WASF2: variants seen among roughly 807,000 people sequenced by gnomAD.
The protein encoded by WASF2 is WASP family member 2.
A neutral mutation model predicts 45.0 loss-of-function variants in WASF2; 14 were observed. The ratio of observed to expected loss-of-function variants is 0.31; its 90% CI spans 0.21 to 0.49. WASF2 has a LOEUF of 0.49. Among genes scored for constraint, WASF2 ranks in the 20% least tolerant of loss-of-function variants. The pLI is 0.99. For synonymous variants in WASF2, 200 were observed against 236.3 expected, an observed-to-expected ratio of 0.85 and a Z score of 1.41; for missense variants, 439 against 636.1, an observed-to-expected ratio of 0.69 and a Z score of 3.33.
At chr1:27,469,818 T>C (rs1027657931) in intron 1 of WASF2, among the ~76,000 whole-genome samples, 7 of 152,050 alleles carry the variant, frequency 4.6e-5, no homozygotes, top group African/African-American at 1.4e-4. Flanking sequence ...GGTGTGCACC[T>C]GTAGTCCCAG....
chr1:27,410,309 A>T lies in WASF2; in HGVS notation c.825-103T>A. ...ACCGAGGTTTATCTTGGTTGACTAT[A>T]CCATTTCACTTTCACTTAAACAGAA... On this transcript the variant is annotated intron_variant, in intron 7 of 8. Transcript: ENST00000618852. The surrounding 1 kb of genome is among the most constrained non-coding windows in gnomAD (Gnocchi z 4.2). 2.0e-6 allele frequency: 3 copies of T among 1,507,382 alleles called. No individual in the cohort carries two copies. The highest frequency in any genetic ancestry group is 2.7e-6 in the Non-Finnish European group (3 of 1,122,306). The allele number at this position is 1,507,382 out of a possible 1,614,324, so 93.4% of individuals were successfully genotyped here. A position where few individuals can be genotyped will look rare whatever the true frequency, so the allele number is the denominator to read the frequency against.
At position 27,405,058 on chromosome 1, in the gene WASF2, G is replaced by C. The variant is rs1001120659; in HGVS notation, c.*3131C>G. On this transcript the variant is annotated 3_prime_UTR_variant, in exon 9 of 9. Transcript: ENST00000618852. Reference sequence around the variant, plus strand: ...GGACACGGTGGGAATGCTTAAGCAGGGTCACCAAAGCCACAGAGACCTCAA... The same window carrying C: ...GGACACGGTGGGAATGCTTAAGCAGCGTCACCAAAGCCACAGAGACCTCAA... The C allele has an allele frequency of 3.3e-5, 5 of 153,118 alleles. No homozygotes were observed. Among genetic ancestry groups the C allele is most frequent in the African/African-American group, 1.2e-4 (5 of 41,460 alleles). 9.5% of individuals were successfully genotyped at this position (153,118 alleles called of 1,614,324 possible). A position where few individuals can be genotyped will look rare whatever the true frequency, so the allele number is the denominator to read the frequency against.
chr1:27,409,348 C>T (rs1325079464), intron 8 of WASF2, among the ~76,000 whole-genome samples: 2 of 146,388 alleles, frequency 1.4e-5, no homozygotes, highest in African/African-American at 5.1e-5. Flanking sequence ...TGGCGTGAAC[C>T]CGGGAGGCAG....
intron 1 of WASF2, among the ~76,000 whole-genome samples, chr1:27,462,179 T>C (rs1265396459): frequency 1.3e-5 from 2 of 151,092 alleles, no homozygotes; most frequent in African/African-American, 2.4e-5. Flanking sequence ...GGTTTCTCCA[T>C]GCTGGCCAGG....
At chr1:27,470,207 T>C (rs2017670674) in intron 1 of WASF2, among the ~76,000 whole-genome samples, 1 of 152,204 alleles carries the variant, frequency 6.6e-6, no homozygotes, top group Non-Finnish European at 1.5e-5. Context: ...GAAAGACAAG[T>C]AGGGGCTAGA....
chr1:27,433,532 T>C (rs1015971493), intron 1 of WASF2, among the ~76,000 whole-genome samples: 1 of 152,240 alleles, frequency 6.6e-6, no homozygotes, highest in Non-Finnish European at 1.5e-5. Context: ...CAGGGTCACA[T>C]TTGCATTTTA....
At chr1:27,413,216 G>C (rs1400611486) in intron 6 of WASF2, among the ~76,000 whole-genome samples, 3 of 152,202 alleles carry the variant, frequency 2.0e-5, no homozygotes, top group Non-Finnish European at 4.4e-5. Context: ...TCAAGCTGAG[G>C]ATGAATGCAG....
At chr1:27,448,986 T>C (rs2017346418) in intron 1 of WASF2, among the ~76,000 whole-genome samples, 1 of 152,100 alleles carries the variant, frequency 6.6e-6, no homozygotes, top group African/African-American at 2.4e-5. Context: ...ATGTTCTCTC[T>C]TACCTCCATA....
chr1:27,433,164 A>C (rs1231359672), intron 1 of WASF2, among the ~76,000 whole-genome samples: 1 of 152,230 alleles, frequency 6.6e-6, no homozygotes, highest in Non-Finnish European at 1.5e-5. Context: ...TCTAGCCTTC[A>C]AAGGAATTTG....
intron 1 of WASF2, among the ~76,000 whole-genome samples, 170 bp downstream of exon 1, chr1:27,489,816 G>T (rs2018004969): frequency 6.6e-6 from 1 of 152,160 alleles, no homozygotes; most frequent in Non-Finnish European, 1.5e-5. Context: ...CCCTGAGGGG[G>T]TGGGGTGGAC....
intron 1 of WASF2, among the ~76,000 whole-genome samples, chr1:27,455,896 T>C (rs2017460086): frequency 6.6e-6 from 1 of 152,138 alleles, no homozygotes; most frequent in Non-Finnish European, 1.5e-5. Flanking sequence ...TGTGAGCTCT[T>C]TGAGGGAAGG....
intron 2 of WASF2, among the ~76,000 whole-genome samples, chr1:27,419,914 C>G (rs1159260442): frequency 6.6e-6 from 1 of 150,980 alleles, no homozygotes; most frequent in African/African-American, 2.4e-5. Flanking sequence ...ATTTTTTTTT[C>G]TTTTTTTGGA....
chr1:27,450,392 T>C lies in WASF2; in HGVS notation c.-43-21459A>G, dbSNP rs564535350. Among the ~76,000 whole-genome samples the C allele has an allele frequency of 2.4e-4, 37 of 152,348 alleles. No individual in the cohort carries two copies. The Middle Eastern group carries it at 0.01, about 42-fold the overall frequency. On this transcript the variant is annotated intron_variant, in intron 1 of 8. Transcript: ENST00000618852. ...CCAGGTACTTGGCCTAAAATGTTAA[T>C]AAGACCCTGAATCTCCCAAACCAGC...
At chr1:27,415,590 C>T (rs2016816758) in intron 5 of WASF2, among the ~76,000 whole-genome samples, 2 of 152,158 alleles carry the variant, frequency 1.3e-5, no homozygotes, top group East Asian at 1.9e-4. Context: ...CATTAAACTG[C>T]TCCTGTTGCA....
At chr1:27,479,015 G>A (rs1294832726) in intron 1 of WASF2, among the ~76,000 whole-genome samples, 1 of 152,084 alleles carries the variant, frequency 6.6e-6, no homozygotes, top group Non-Finnish European at 1.5e-5. Flanking sequence ...GGCCGGGTGT[G>A]GTGGCTCACG....
chr1:27,409,982 G>A lies in WASF2; in HGVS notation c.1049C>T (p.Pro350Leu). Residue 350 changes from proline to leucine, a missense_variant, in exon 8 of 9, where the codon CCC becomes CTC. Pro to Leu is a moderately conservative substitution (Grantham distance 98). This residue lies in a region of WASF2 where 286 missense variants were observed against 373.5 expected (regional missense o/e 0.77). Coordinates refer to ENST00000618852, the MANE Select transcript of WASF2 (RefSeq NM_006990.5). ...GTGAGGTGGGAAAGATGGGGGTGAG[G>A]GTGGTGGAGGCGTCCCTGGAGACCC... ...GFGSPGTPPP[P>L]SPPSFPPHPD... The A allele has an allele frequency of 6.2e-7, 1 of 1,613,786 alleles. No homozygotes were observed. The highest frequency in any genetic ancestry group is 8.5e-7 in the Non-Finnish European group (1 of 1,179,926).
intron 5 of WASF2, 111 bp from the exon 6 acceptor site, chr1:27,415,074 AT>A: frequency 7.4e-7 from 1 of 1,353,332 alleles, no homozygotes; most frequent in East Asian, 2.3e-5. Context: ...CCTAGACAAC[AT>A]ACAATAACTA....
Position 27,435,033 on chromosome 1 carries a change from G to A in WASF2, c.-43-6100C>T, listed in dbSNP as rs186534289. On this transcript the variant is annotated intron_variant, in intron 1 of 8. Transcript: ENST00000618852. The stretch of plus-strand genomic sequence containing the variant: ...ACAATCTCGGCTCACCACAACCTCC[G>A]CCTCCCAGGTTCAAGCAATTCTCCT... Among the ~76,000 whole-genome samples, 267 of 151,906 alleles carry A rather than the reference G, an allele frequency of 1.8e-3. 2 individuals are homozygous for A. The highest frequency in any genetic ancestry group is 0.015 in the South Asian group (72 of 4,806).
At chr1:27,433,359 G>A (rs570927224) in intron 1 of WASF2, among the ~76,000 whole-genome samples, 6 of 152,228 alleles carry the variant, frequency 3.9e-5, no homozygotes, top group African/African-American at 9.6e-5. Flanking sequence ...CATTCTACGC[G>A]TACTGGAGAA....
Sources: gnomAD v4.1 joint callset for allele counts (sites outside exome capture counted in the v4.1 genomes callset) on GRCh38, gnomAD v4.1.1 for gene constraint, gnomAD v4.1.1 regional missense constraint, Gnocchi (gnomAD v3.1) non-coding constraint, MANE v1.5 for transcripts, NCBI Gene and HGNC (gene_info 2026-07-23, HGNC 2026-07-21) for gene names.